CNTN5: variants seen among roughly 807,000 people sequenced by gnomAD.
CNTN5 encodes contactin 5.
Under a neutral mutation model 129.1 loss-of-function variants are expected in CNTN5, and 77 were observed. The observed-to-expected ratio is 0.60, with a 90% confidence interval of 0.50 to 0.72. The LOEUF (loss-of-function observed/expected upper bound fraction) is 0.72, where lower values mean the gene tolerates loss of function less well. Among genes scored for constraint, CNTN5 ranks in the 30% least tolerant of loss-of-function variants. The probability of loss-of-function intolerance (pLI) is 0.00; values close to 1 mark genes in which losing one functional copy is unlikely to be tolerated. For missense variants in CNTN5, 1,478 were observed against 1,328.8 expected (o/e 1.11, Z -1.75); for synonymous variants, 509 against 465.6 (o/e 1.09, Z -1.20).
chr11:100,101,212 T>C (rs1303707960), intron 13 of CNTN5, among the ~76,000 whole-genome samples: 2 of 152,094 alleles, frequency 1.3e-5, no homozygotes, highest in Non-Finnish European at 2.9e-5. Flanking sequence ...AAACTTGGCA[T>C]GTTGGTATAT....
intron 1 of CNTN5, among the ~76,000 whole-genome samples, chr11:99,117,012 A>G (rs987524150): frequency 4.6e-5 from 7 of 152,190 alleles, no homozygotes; most frequent in Middle Eastern, 3.2e-3. Flanking sequence ...GTGAGGCTTA[A>G]TGAAGGAAGA....
chr11:99,582,367 T>C (rs1242517145), intron 3 of CNTN5, among the ~76,000 whole-genome samples: 1 of 152,214 alleles, frequency 6.6e-6, no homozygotes, highest in Non-Finnish European at 1.5e-5. Context: ...ATTTGAATGT[T>C]GGCCTGCCTT....
At chr11:99,549,358 G>A (rs1948406508) in intron 2 of CNTN5, among the ~76,000 whole-genome samples, 1 of 152,000 alleles carries the variant, frequency 6.6e-6, no homozygotes, top group Non-Finnish European at 1.5e-5. Flanking sequence ...ATCCCTTTGG[G>A]ATCTTAGACA....
At chr11:100,090,503 C>CTCCT (rs1944724871) in intron 13 of CNTN5, among the ~76,000 whole-genome samples, 1 of 53,256 alleles carries the variant, frequency 1.9e-5, no homozygotes, top group Non-Finnish European at 3.5e-5. Flanking sequence ...TCCTCCTTTC[C>CTCCT]TCCCTCCCTC....
intron 7 of CNTN5, among the ~76,000 whole-genome samples, chr11:99,942,590 A>G (rs748979626): frequency 7.2e-5 from 11 of 152,056 alleles, no homozygotes; most frequent in Non-Finnish European, 1.2e-4. Flanking sequence ...GTAATGTGCC[A>G]TGGTGGTTTG....
chr11:99,998,172 A>G (rs1042093088), intron 8 of CNTN5, among the ~76,000 whole-genome samples: 1 of 151,886 alleles, frequency 6.6e-6, no homozygotes, highest in African/African-American at 2.4e-5. Context: ...AGGCAGGAGA[A>G]GGGAATAAAG....
In CNTN5 at chr11:99,208,044, G is replaced by T. The variant is rs1300636097; in HGVS notation, c.-209-117302G>T. 3.3e-5 allele frequency among the ~76,000 whole-genome samples: 5 copies of T among 152,090 alleles called. No individual in the cohort carries two copies. In the East Asian group the frequency reaches 7.7e-4, roughly 23 times the overall value. ...TCAATCACTTTTTAAAATGTAACAG[G>T]CTATTAAAAGAAAGATCTATTGACA... On this transcript the variant is annotated intron_variant, in intron 1 of 24. Coordinates refer to ENST00000524871, the MANE Select transcript of CNTN5 (RefSeq NM_014361.4).
At chr11:99,713,482 C>A (rs983807107) in intron 3 of CNTN5, among the ~76,000 whole-genome samples, 1 of 151,938 alleles carries the variant, frequency 6.6e-6, no homozygotes, top group African/African-American at 2.4e-5. Context: ...ATTGAATACC[C>A]TTTATTTCTT....
chr11:99,434,611 G>T (rs1943529816), intron 2 of CNTN5, among the ~76,000 whole-genome samples: 1 of 152,058 alleles, frequency 6.6e-6, no homozygotes, highest in Admixed American at 6.6e-5. Flanking sequence ...TCCAACGTAG[G>T]ACACAGCTTC....
At chr11:100,194,690 G>A (rs1226289289) in intron 15 of CNTN5, among the ~76,000 whole-genome samples, 2 of 151,318 alleles carry the variant, frequency 1.3e-5, no homozygotes, top group Non-Finnish European at 2.9e-5. Flanking sequence ...GTAACATAAA[G>A]CCAGTCACAT....
intron 8 of CNTN5, among the ~76,000 whole-genome samples, chr11:99,992,028 A>T (rs1565763893): frequency 6.6e-6 from 1 of 152,230 alleles, no homozygotes; most frequent in Non-Finnish European, 1.5e-5. Flanking sequence ...GCAATGAAAA[A>T]ATAGTTGCTA....
At chr11:100,040,775 C>T (rs115463304) in intron 9 of CNTN5, among the ~76,000 whole-genome samples, 1 of 152,142 alleles carries the variant, frequency 6.6e-6, no homozygotes, top group Non-Finnish European at 1.5e-5. Context: ...CCCTCCTAGC[C>T]AAGTGCGGGA....
At chr11:100,109,228 C>A (rs949096497) in intron 13 of CNTN5, among the ~76,000 whole-genome samples, 1 of 152,174 alleles carries the variant, frequency 6.6e-6, no homozygotes. Flanking sequence ...GCATTCGAGA[C>A]CAGCCTGGCC....
At chr11:100,288,213 A>C (rs1396662003) in intron 18 of CNTN5, among the ~76,000 whole-genome samples, 2 of 152,166 alleles carry the variant, frequency 1.3e-5, no homozygotes, top group African/African-American at 4.8e-5. Context: ...ACAGAAAGTC[A>C]ACAAGGATAC....
At chr11:99,837,748 C>T (rs147674438) in intron 4 of CNTN5, among the ~76,000 whole-genome samples, 3,054 of 147,942 alleles carry the variant, frequency 0.021, 54 homozygotes, top group Non-Finnish European at 0.029. Flanking sequence ...TAAAATTACA[C>T]TAATATAATT....
intron 13 of CNTN5, among the ~76,000 whole-genome samples, chr11:100,121,689 G>A (rs1456024351): frequency 6.6e-6 from 1 of 151,958 alleles, no homozygotes; most frequent in Non-Finnish European, 1.5e-5. Flanking sequence ...TTTACCATGT[G>A]CCAGGCACTG....
At chr11:99,883,847 TCAAAAA>T (rs1948831789) in intron 6 of CNTN5, among the ~76,000 whole-genome samples, 1 of 152,164 alleles carries the variant, frequency 6.6e-6, no homozygotes, top group African/African-American at 2.4e-5. Flanking sequence ...TATATGTTAA[TCAAAAA>T]CAAAGCAAGT....
chr11:99,970,998 A>G (rs1253703918), intron 8 of CNTN5, among the ~76,000 whole-genome samples: 1 of 152,214 alleles, frequency 6.6e-6, no homozygotes, highest in Non-Finnish European at 1.5e-5. Context: ...GCCAAAGATC[A>G]TGAAATTAGT....
At chr11:99,450,322 T>A (rs1170937182) in intron 2 of CNTN5, among the ~76,000 whole-genome samples, 1 of 151,414 alleles carries the variant, frequency 6.6e-6, no homozygotes, top group East Asian at 1.9e-4. Flanking sequence ...ACATATATTG[T>A]GTATGTACAT....
Sources: gnomAD v4.1 joint callset for allele counts (sites outside exome capture counted in the v4.1 genomes callset) on GRCh38, gnomAD v4.1.1 for gene constraint, MANE v1.5 for transcripts, NCBI Gene and HGNC (gene_info 2026-07-23, HGNC 2026-07-21) for gene names.